GRHL2: variants seen among roughly 807,000 people sequenced by gnomAD.
GRHL2 encodes the protein grainyhead like transcription factor 2.
GRHL2 carries 21 observed loss-of-function variants against 83.8 expected under a neutral mutation model. The observed-to-expected ratio is 0.25, with a 90% CI of 0.18 to 0.36. The LOEUF (loss-of-function observed/expected upper bound fraction) is 0.36. Ranked by LOEUF, GRHL2 falls within the 10% of genes least tolerant of loss-of-function variation. The probability of loss-of-function intolerance (pLI) is 1.00; values close to 1 mark genes in which losing one functional copy is unlikely to be tolerated. For synonymous variants in GRHL2, 280 were observed against 278.9 expected (o/e 1.00, Z -0.04); for missense variants, 623 against 781.8 (o/e 0.80, Z 2.42).
At chr8:101,633,264 ATTGT>A (rs1813223854) in intron 11 of GRHL2, among the ~76,000 whole-genome samples, 1 of 152,214 alleles carries the variant, frequency 6.6e-6, no homozygotes, top group Non-Finnish European at 1.5e-5. Context: ...ATTAACCAGA[ATTGT>A]TTTTCACCAA....
At chr8:101,562,740 T>C (rs1435512590) in intron 4 of GRHL2, among the ~76,000 whole-genome samples, 1 of 152,228 alleles carries the variant, frequency 6.6e-6, no homozygotes, top group African/African-American at 2.4e-5. Flanking sequence ...ATATGTAATG[T>C]GTATTTTTAT....
rs571165197 is a variant in GRHL2, at chr8:101,525,945, A to G, written c.21-17296A>G. On this transcript the variant is annotated intron_variant, in intron 1 of 15. Transcript: ENST00000646743. ...TCATGCCCCTGCACTCCAGCTGGGC[A>G]AGAGAGCAAGACTCTGTTTCAGAAA... is the stretch of plus-strand genomic sequence containing the variant. Among the ~76,000 whole-genome samples the G allele has an allele frequency of 1.2e-3, 181 of 152,326 alleles. 1 individual carries two copies. The highest frequency in any genetic ancestry group is 6.8e-3 in the Middle Eastern group (2 of 294).
At chr8:101,546,318 A>G (rs1426799869) in intron 2 of GRHL2, among the ~76,000 whole-genome samples, 1 of 152,176 alleles carries the variant, frequency 6.6e-6, no homozygotes, top group Admixed American at 6.5e-5. Flanking sequence ...GTTATTGTGA[A>G]ATGGATATAA....
intron 1 of GRHL2, among the ~76,000 whole-genome samples, chr8:101,519,273 T>G (rs893127722): frequency 5.1e-4 from 78 of 152,286 alleles, no homozygotes; most frequent in African/African-American, 1.8e-3. Context: ...TCCTCCCGCC[T>G]TGGCTTCCCA....
intron 4 of GRHL2, among the ~76,000 whole-genome samples, chr8:101,561,770 T>G (rs512036): frequency 6.6e-6 from 1 of 152,222 alleles, no homozygotes; most frequent in African/African-American, 2.4e-5. Context: ...TTCTATAGTT[T>G]TAAGTAGAAT....
At chr8:101,599,786 A>C (rs1395013036) in intron 8 of GRHL2, among the ~76,000 whole-genome samples, 1 of 152,210 alleles carries the variant, frequency 6.6e-6, no homozygotes, top group Non-Finnish European at 1.5e-5. Context: ...GTTTGGATAA[A>C]AGAAGGCAGA....
rs1269132960 is a variant in GRHL2, at chr8:101,573,829, G to T, written c.891+5G>T. 1 of 1,614,168 alleles carries T rather than the reference G, an allele frequency of 6.2e-7. No individual in the cohort carries two copies. ...CACCCCATCAGCAAAGTCAGGGTAGGGGCCACATTTCTCAGATAAAGTACA... is the reference window on the plus strand; with the variant it reads ...CACCCCATCAGCAAAGTCAGGGTAGTGGCCACATTTCTCAGATAAAGTACA... On this transcript the variant is annotated splice_donor_5th_base_variant and intron_variant, in intron 6 of 15. Coordinates refer to ENST00000646743, the MANE Select transcript of GRHL2 (RefSeq NM_024915.4).
intron 4 of GRHL2, among the ~76,000 whole-genome samples, chr8:101,563,143 TAGAG>T (rs1284285537): frequency 6.6e-6 from 1 of 152,126 alleles, no homozygotes; most frequent in African/African-American, 2.4e-5. Context: ...AACTGAGGGA[TAGAG>T]AGCATAAGTA....
chr8:101,500,841 C>T (rs984265735), intron 1 of GRHL2, among the ~76,000 whole-genome samples: 2 of 63,074 alleles, frequency 3.2e-5, no homozygotes, highest in Non-Finnish European at 6.3e-5. Context: ...AAGTTTCTTA[C>T]TGGAAATGGT....
At chr8:101,517,381 C>T (rs1810593555) in intron 1 of GRHL2, among the ~76,000 whole-genome samples, 3 of 152,158 alleles carry the variant, frequency 2.0e-5, no homozygotes, top group African/African-American at 7.2e-5. Flanking sequence ...TCAGCCTAAC[C>T]CCTCTGGATG....
chr8:101,641,814 A>G (rs1227536308), intron 12 of GRHL2, among the ~76,000 whole-genome samples: 1 of 152,118 alleles, frequency 6.6e-6, no homozygotes, highest in Non-Finnish European at 1.5e-5. Flanking sequence ...GGATACCAAA[A>G]TTTACAGACT....
intron 1 of GRHL2, among the ~76,000 whole-genome samples, chr8:101,494,731 A>C (rs780300827): frequency 1.3e-5 from 2 of 152,254 alleles, no homozygotes; most frequent in Non-Finnish European, 2.9e-5. Flanking sequence ...TATTTTCACC[A>C]GTTATACTTA....
chr8:101,538,879 T>C (rs991946963), intron 1 of GRHL2, among the ~76,000 whole-genome samples: 1 of 152,246 alleles, frequency 6.6e-6, no homozygotes, highest in Non-Finnish European at 1.5e-5. Context: ...AAAAGGCCCC[T>C]GTGGCTGCCA....
downstream of GRHL2, among the ~76,000 whole-genome samples, chr8:101,670,169 AC>A: frequency 6.6e-6 from 1 of 152,302 alleles, no homozygotes; most frequent in Middle Eastern, 3.4e-3. Context: ...CCTGGAACCC[AC>A]AGGCTCCCTA....
At chr8:101,594,390 G>A (rs916615361) in intron 7 of GRHL2, among the ~76,000 whole-genome samples, 4 of 152,168 alleles carry the variant, frequency 2.6e-5, no homozygotes, top group Admixed American at 1.3e-4. Context: ...ACTTTCTTGA[G>A]GAAATAAGTT....
At chr8:101,603,670 A>G (rs1025375134) in intron 8 of GRHL2, among the ~76,000 whole-genome samples, 3 of 152,216 alleles carry the variant, frequency 2.0e-5, no homozygotes, top group Non-Finnish European at 2.9e-5. Flanking sequence ...TTCAACCCAA[A>G]ACCCGTTTTG....
chr8:101,502,139 C>T (rs1392722485), intron 1 of GRHL2, among the ~76,000 whole-genome samples: 3 of 152,168 alleles, frequency 2.0e-5, no homozygotes, highest in African/African-American at 7.2e-5. Flanking sequence ...GCTTTTGCCT[C>T]TTTCCTGCAT....
At position 101,594,022 on chromosome 8, in the gene GRHL2, T is replaced by C. The variant is rs147304673; in HGVS notation, c.1004-5035T>C. ...AGGCAGAGATTGCAGTGAGCCAAGA[T>C]TGCACCATCGCACTCCAGCCTGGAC... On this transcript the variant is annotated intron_variant, in intron 7 of 15. Transcript: ENST00000646743. 6.3e-3 allele frequency among the ~76,000 whole-genome samples: 796 copies of C among 126,790 alleles called. 10 individuals are homozygous for C. Among genetic ancestry groups the C allele is most frequent in the East Asian group, 0.053 (234 of 4,422 alleles). 83.2% of individuals were successfully genotyped at this position (126,790 alleles called of 152,430 possible). A position where few individuals can be genotyped will look rare whatever the true frequency, so the allele number is the denominator to read the frequency against.
chr8:101,520,661 G>A (rs1466209148), intron 1 of GRHL2, among the ~76,000 whole-genome samples: 12 of 152,122 alleles, frequency 7.9e-5, no homozygotes, highest in Non-Finnish European at 7.4e-5. Context: ...CCTCACATGA[G>A]TACCCTGTGC....
Sources: gnomAD v4.1 joint callset for allele counts (sites outside exome capture counted in the v4.1 genomes callset) on GRCh38, gnomAD v4.1.1 for gene constraint, MANE v1.5 for transcripts, NCBI Gene and HGNC (gene_info 2026-07-23, HGNC 2026-07-21) for gene names.